BPTF: variants seen among roughly 807,000 people sequenced by gnomAD.
BPTF encodes nucleosome-remodeling factor subunit BPTF.
Under a neutral mutation model 292.5 loss-of-function variants are expected in BPTF, and 18 were observed. The ratio of observed to expected loss-of-function variants is 0.06; its 90% CI spans 0.04 to 0.09. The LOEUF (loss-of-function observed/expected upper bound fraction) is 0.09. BPTF is among the 10% of genes least tolerant of loss of function. BPTF has a pLI of 1.00. For synonymous variants in BPTF, 1,225 were observed against 1,251.9 expected, an observed-to-expected ratio of 0.98 and a Z score of 0.45; for missense variants, 2,726 against 3,498.7, an observed-to-expected ratio of 0.78 and a Z score of 5.57.
intron 24 of BPTF, chr17:67,963,375 A>C: frequency 6.5e-7 from 1 of 1,535,716 alleles, no homozygotes; most frequent in South Asian, 1.2e-5. Flanking sequence ...GGTATCATGG[A>C]GAATGTGTTG....
chr17:67,862,749 G>A lies in BPTF; in HGVS notation c.1437-3715G>A, dbSNP rs1421488578. Among the ~76,000 whole-genome samples the A allele has an allele frequency of 3.3e-5, 5 of 150,994 alleles. No homozygotes were observed. The South Asian group carries it at 6.3e-4, about 19-fold the overall frequency. Reference sequence around the variant, plus strand: ...TATTTAACAGTTTTGGAGAATAGAAGTCTAAACTCAAAGGTGTCAGCAGGG... The same window carrying A: ...TATTTAACAGTTTTGGAGAATAGAAATCTAAACTCAAAGGTGTCAGCAGGG... On this transcript the variant is annotated intron_variant, in intron 2 of 27. Transcript: ENST00000306378.
At chr17:67,901,851 T>C (rs895695185) in intron 7 of BPTF, among the ~76,000 whole-genome samples, 1 of 152,232 alleles carries the variant, frequency 6.6e-6, no homozygotes, top group Non-Finnish European at 1.5e-5. Flanking sequence ...GCAAGAACTT[T>C]TGGACCCAGC....
At chr17:67,901,573 AACT>A (rs1193413677) in intron 7 of BPTF, among the ~76,000 whole-genome samples, 2 of 152,376 alleles carry the variant, frequency 1.3e-5, no homozygotes, top group East Asian at 3.8e-4. Context: ...TATAAATGAA[AACT>A]ACTAATAGTC....
At chr17:67,962,949 AATAG>A (rs2067659705) in intron 24 of BPTF, among the ~76,000 whole-genome samples, 1 of 152,154 alleles carries the variant, frequency 6.6e-6, no homozygotes, top group South Asian at 2.1e-4. Flanking sequence ...GCTTCTGTGG[AATAG>A]GTTTGACAGA....
intron 19 of BPTF, among the ~76,000 whole-genome samples, chr17:67,942,177 G>C (rs868940608): frequency 1.3e-5 from 2 of 152,016 alleles, no homozygotes; most frequent in African/African-American, 4.8e-5. Flanking sequence ...TTAGTCAGGC[G>C]TGGTGGTGTA....
At chr17:67,898,140 C>T (rs929800043) in intron 7 of BPTF, among the ~76,000 whole-genome samples, 4 of 152,176 alleles carry the variant, frequency 2.6e-5, no homozygotes, top group African/African-American at 7.2e-5. Context: ...AAGGCCAAGG[C>T]GAGTGGATCA....
At chr17:67,981,148 G>A (rs532815668) in intron 27 of BPTF, among the ~76,000 whole-genome samples, 2 of 152,326 alleles carry the variant, frequency 1.3e-5, no homozygotes, top group East Asian at 1.9e-4. Flanking sequence ...TACAGAGTGA[G>A]ACCTTGTTTC....
intron 1 of BPTF, among the ~76,000 whole-genome samples, chr17:67,830,515 T>C (rs1420181346): frequency 1.3e-5 from 2 of 152,088 alleles, no homozygotes; most frequent in Non-Finnish European, 2.9e-5. Flanking sequence ...AGGTACGCAG[T>C]GCAGTGGGCA....
At chr17:67,860,618 A>G (rs1318964928) in intron 2 of BPTF, among the ~76,000 whole-genome samples, 2 of 152,242 alleles carry the variant, frequency 1.3e-5, no homozygotes, top group Non-Finnish European at 2.9e-5. Flanking sequence ...TATCCTGTCA[A>G]TCCTTTGCTC....
At chr17:67,957,636 CCAGG>C (rs2067083980) in intron 23 of BPTF, among the ~76,000 whole-genome samples, 1 of 152,128 alleles carries the variant, frequency 6.6e-6, no homozygotes, top group Non-Finnish European at 1.5e-5. Context: ...TTAGGGAGGC[CCAGG>C]CAGGCAGATC....
chr17:67,869,063 C>A (rs1359418774), intron 3 of BPTF, among the ~76,000 whole-genome samples: 2 of 152,088 alleles, frequency 1.3e-5, no homozygotes, highest in African/African-American at 2.4e-5. Flanking sequence ...TACTCTCCCC[C>A]CATATAGATC....
chr17:67,952,250 C>CT (rs2066444631), intron 23 of BPTF, among the ~76,000 whole-genome samples: 2 of 129,888 alleles, frequency 1.5e-5, no homozygotes, highest in Admixed American at 9.3e-5. Context: ...ATTTCTGCCT[C>CT]TTTTTTTTAA....
chr17:67,936,823 G>A (rs1218836266), intron 18 of BPTF: 3 of 152,142 alleles, frequency 2.0e-5, no homozygotes, highest in Non-Finnish European at 4.4e-5. Flanking sequence ...TTCATATAAA[G>A]CATATAAAAT....
intron 26 of BPTF, among the ~76,000 whole-genome samples, chr17:67,967,752 G>A (rs1335453350): frequency 6.6e-6 from 1 of 151,404 alleles, no homozygotes; most frequent in Non-Finnish European, 1.5e-5. Flanking sequence ...CCGGGAGGCA[G>A]AGGTTGCAGT....
intron 4 of BPTF, among the ~76,000 whole-genome samples, chr17:67,889,235 T>C (rs2060945375): frequency 6.6e-6 from 1 of 152,214 alleles, no homozygotes; most frequent in Non-Finnish European, 1.5e-5. Context: ...ACCCTCAGTT[T>C]AGTTCTTTTT....
intron 4 of BPTF, among the ~76,000 whole-genome samples, chr17:67,879,314 G>A (rs1295360253): frequency 6.6e-6 from 1 of 151,882 alleles, no homozygotes; most frequent in Non-Finnish European, 1.5e-5. Context: ...GCTAATTTTT[G>A]TATTTTTAGT....
At chr17:67,838,586 C>T (rs1165657741) in intron 1 of BPTF, among the ~76,000 whole-genome samples, 1 of 152,196 alleles carries the variant, frequency 6.6e-6, no homozygotes, top group Non-Finnish European at 1.5e-5. Flanking sequence ...AGGTGATTCT[C>T]TTGCCTCAGC....
intron 19 of BPTF, among the ~76,000 whole-genome samples, chr17:67,940,984 C>A (rs1466211184): frequency 1.3e-5 from 2 of 152,192 alleles, no homozygotes; most frequent in Non-Finnish European, 2.9e-5. Flanking sequence ...AGCAAGTCTT[C>A]TAATATTGAT....
chr17:67,951,203 C>T (rs1447558078), intron 23 of BPTF: 1 of 152,142 alleles, frequency 6.6e-6, no homozygotes, highest in East Asian at 1.9e-4. Flanking sequence ...CTCTCTCTCT[C>T]TCTCTTTTTC....
Sources: gnomAD v4.1 joint callset for allele counts (sites outside exome capture counted in the v4.1 genomes callset) on GRCh38, gnomAD v4.1.1 for gene constraint, MANE v1.5 for transcripts, NCBI Gene and HGNC (gene_info 2026-07-23, HGNC 2026-07-21) for gene names.